LRRC3B: variants seen among roughly 807,000 people sequenced by gnomAD.
LRRC3B encodes leucine-rich repeat-containing protein 3B.
In LRRC3B, 2 loss-of-function variants were observed where a neutral mutation model predicts 12.8. The observed-to-expected ratio is 0.16, with a 90% CI of 0.06 to 0.49. The LOEUF is 0.49. Among genes scored for constraint, LRRC3B ranks in the 20% least tolerant of loss-of-function variants. The pLI, the probability that LRRC3B is intolerant of heterozygous loss-of-function variation, is 0.96. For synonymous variants in LRRC3B, 132 were observed against 122.0 expected, an observed-to-expected ratio of 1.08 and a Z score of -0.54; for missense variants, 189 against 319.4, an observed-to-expected ratio of 0.59 and a Z score of 3.11.
chr3:26,646,697 C>T (rs925647432), intron 1 of LRRC3B, among the ~76,000 whole-genome samples: 2 of 150,120 alleles, frequency 1.3e-5, no homozygotes, highest in African/African-American at 4.9e-5. Context: ...AAGAGATAGG[C>T]CAGCAGGTGA....
chr3:26,706,478 A>T (rs1276893141), intron 1 of LRRC3B, among the ~76,000 whole-genome samples: 2 of 152,210 alleles, frequency 1.3e-5, no homozygotes, highest in Non-Finnish European at 2.9e-5. Context: ...AAAATGAAAC[A>T]GTTCAAGTCC....
At chr3:26,626,200 G>A (rs1304908193) in intron 1 of LRRC3B, among the ~76,000 whole-genome samples, 1 of 152,202 alleles carries the variant, frequency 6.6e-6, no homozygotes, top group African/African-American at 2.4e-5. Context: ...TGGAATACTA[G>A]TAGAGGAAAT....
At chr3:26,664,746 G>A (rs927022480) in intron 1 of LRRC3B, among the ~76,000 whole-genome samples, 3 of 152,028 alleles carry the variant, frequency 2.0e-5, no homozygotes, top group African/African-American at 4.8e-5. Context: ...TCTCGCCTCC[G>A]ATTTGTTCCC....
intron 1 of LRRC3B, among the ~76,000 whole-genome samples, chr3:26,686,974 A>G (rs1700101326): frequency 6.6e-6 from 1 of 152,122 alleles, no homozygotes; most frequent in Non-Finnish European, 1.5e-5. Context: ...TCTGCCACAG[A>G]GACAATCCCC....
At chr3:26,692,908 A>ATGTT (rs1211335316) in intron 1 of LRRC3B, among the ~76,000 whole-genome samples, 1 of 152,152 alleles carries the variant, frequency 6.6e-6, no homozygotes, top group Non-Finnish European at 1.5e-5. Context: ...GTTTTCCCAT[A>ATGTT]TGTTTGGAGT....
intron 1 of LRRC3B, among the ~76,000 whole-genome samples, chr3:26,653,751 A>T (rs925899849): frequency 3.3e-5 from 5 of 152,174 alleles, no homozygotes; most frequent in African/African-American, 4.8e-5. Context: ...AATGTCCCCC[A>T]TGTAAACTCA....
At chr3:26,671,523 C>G (rs1277013524) in intron 1 of LRRC3B, among the ~76,000 whole-genome samples, 2 of 150,862 alleles carry the variant, frequency 1.3e-5, no homozygotes, top group African/African-American at 4.9e-5. Context: ...TCCCAAGTAG[C>G]TGGGACTACA....
intron 1 of LRRC3B, among the ~76,000 whole-genome samples, chr3:26,661,947 CAG>C (rs1467149306): frequency 6.6e-6 from 1 of 152,140 alleles, no homozygotes; most frequent in East Asian, 1.9e-4. Context: ...GATGTTTTCT[CAG>C]AGTTACAGGT....
At chr3:26,666,228 A>C (rs1271696347) in intron 1 of LRRC3B, among the ~76,000 whole-genome samples, 5 of 152,186 alleles carry the variant, frequency 3.3e-5, no homozygotes, top group African/African-American at 1.2e-4. Context: ...AGAAGAAAGC[A>C]GAGTAACCGC....
At chr3:26,695,399 C>T (rs528615785) in intron 1 of LRRC3B, among the ~76,000 whole-genome samples, 7 of 152,086 alleles carry the variant, frequency 4.6e-5, no homozygotes, top group Admixed American at 1.3e-4. Context: ...TTGTGGTGAG[C>T]GCCTGTAGTC....
At chr3:26,709,859 C>T (rs868070081) in exon 2 of LRRC3B, 2 of 1,614,124 alleles carry the variant, frequency 1.2e-6, no homozygotes, top group Non-Finnish European at 1.7e-6. Context: ...TAGAGATCTT[C>T]CTCCTGAAAC....
intron 1 of LRRC3B, among the ~76,000 whole-genome samples, chr3:26,641,581 C>G (rs9865395): frequency 6.6e-6 from 1 of 152,042 alleles, no homozygotes; most frequent in Non-Finnish European, 1.5e-5. Context: ...TTAGGAAACC[C>G]GAGCTGGAAG....
At chr3:26,680,074 C>G (rs975567613) in intron 1 of LRRC3B, among the ~76,000 whole-genome samples, 2 of 152,168 alleles carry the variant, frequency 1.3e-5, no homozygotes, top group African/African-American at 4.8e-5. Context: ...TGTGAAAATG[C>G]AGATTCTGAC....
At chr3:26,651,320 A>G (rs947582889) in intron 1 of LRRC3B, among the ~76,000 whole-genome samples, 4 of 152,184 alleles carry the variant, frequency 2.6e-5, no homozygotes, top group African/African-American at 9.6e-5. Flanking sequence ...CCACCTGTAT[A>G]AAATATGTAA....
chr3:26,643,015 C>CA (rs745665933), intron 1 of LRRC3B, among the ~76,000 whole-genome samples: 13 of 142,584 alleles, frequency 9.1e-5, no homozygotes, highest in South Asian at 9.0e-4. Context: ...GACTCCGTTT[C>CA]AAAAAAAAAA....
intron 1 of LRRC3B, among the ~76,000 whole-genome samples, chr3:26,698,965 C>T (rs976153835): frequency 1.3e-5 from 2 of 152,080 alleles, no homozygotes. Flanking sequence ...TGATCTCTTG[C>T]GTTGTTTTCA....
chr3:26,664,227 C>T (rs186181475), intron 1 of LRRC3B, among the ~76,000 whole-genome samples: 1 of 152,166 alleles, frequency 6.6e-6, no homozygotes, highest in African/African-American at 2.4e-5. Flanking sequence ...CTTTTCATAC[C>T]CTGACAAGTC....
chr3:26,647,553 A>T (rs1350504021), intron 1 of LRRC3B, among the ~76,000 whole-genome samples: 1 of 152,216 alleles, frequency 6.6e-6, no homozygotes, highest in Non-Finnish European at 1.5e-5. Context: ...AAAATGTATT[A>T]TTAAGCCTTC....
chr3:26,703,554 A>G (rs1355034178), intron 1 of LRRC3B, among the ~76,000 whole-genome samples: 1 of 152,068 alleles, frequency 6.6e-6, no homozygotes, highest in East Asian at 1.9e-4. Flanking sequence ...AGGGCAGCCT[A>G]CATGATTGGT....
Sources: allele counts gnomAD v4.1 joint callset (sites outside exome capture counted in the v4.1 genomes callset), GRCh38; gene constraint gnomAD v4.1.1; transcripts MANE v1.5; gene names NCBI Gene and HGNC (gene_info 2026-07-23, HGNC 2026-07-21).